DNAH2: variants seen among roughly 807,000 people sequenced by gnomAD.
DNAH2 encodes axonemal beta dynein heavy chain 2.
In DNAH2, 323 loss-of-function variants were observed where a neutral mutation model predicts 523.5. The ratio of observed to expected loss-of-function variants is 0.62; its 90% CI spans 0.56 to 0.68. The LOEUF is 0.68. Among genes scored for constraint, DNAH2 ranks in the 30% least tolerant of loss-of-function variants. The probability of loss-of-function intolerance (pLI) is 0.00; values close to 1 mark genes in which losing one functional copy is unlikely to be tolerated. For missense variants in DNAH2, 4,907 were observed against 5,701.5 expected, an observed-to-expected ratio of 0.86 and a Z score of 4.49; for synonymous variants, 2,093 against 2,177.4, an observed-to-expected ratio of 0.96 and a Z score of 1.08.
chr17:7,816,700 G>A lies in DNAH2; in HGVS notation c.9859G>A (p.Ala3287Thr). The A allele has an allele frequency of 6.2e-7, 1 of 1,614,146 alleles. No homozygotes were observed. The highest frequency in any genetic ancestry group is 1.1e-5 in the South Asian group (1 of 91,086). ...AGCTGGGATGCTCGTGTCGGGGTTG[G>A]CTGGCGAGAAGGCCAGATGGGAGGA... is the stretch of plus-strand genomic sequence containing the variant. Reference protein sequence around the residue: ...ERAGMLVSGLAGEKARWEETV... With the variant: ...ERAGMLVSGLTGEKARWEETV... Residue 3287 changes from alanine (A) to threonine (T), a missense_variant, in exon 64 of 86, where the codon GCT becomes ACT. Transcript: ENST00000572933.
At chr17:7,826,437 TA>T (rs1162893690) in intron 77 of DNAH2, among the ~76,000 whole-genome samples, 1 of 151,958 alleles carries the variant, frequency 6.6e-6, no homozygotes, top group Non-Finnish European at 1.5e-5. Context: ...TCCAGTCTTT[TA>T]AAAAAGCTAG....
At chr17:7,783,713 G>A (rs1225636233) in intron 39 of DNAH2, among the ~76,000 whole-genome samples, 1 of 151,340 alleles carries the variant, frequency 6.6e-6, no homozygotes, top group African/African-American at 2.4e-5. Context: ...CAGGAGGATT[G>A]TTTGAGCCCA....
At chr17:7,763,351 G>T (rs1199115759) in intron 18 of DNAH2, among the ~76,000 whole-genome samples, 1 of 152,114 alleles carries the variant, frequency 6.6e-6, no homozygotes, top group Non-Finnish European at 1.5e-5. Flanking sequence ...GTAGAGATGG[G>T]GTTTCACCGT....
At chr17:7,785,577 T>G (rs999135809) in intron 39 of DNAH2, among the ~76,000 whole-genome samples, 2 of 152,208 alleles carry the variant, frequency 1.3e-5, no homozygotes, top group Admixed American at 1.3e-4. Context: ...TTGAAAATAT[T>G]TGGCTACATG....
chr17:7,812,951 C>CAAA (rs61164962), intron 63 of DNAH2, among the ~76,000 whole-genome samples: 1 of 122,336 alleles, frequency 8.2e-6, no homozygotes, highest in Non-Finnish European at 1.7e-5. Flanking sequence ...GACTCTGTGT[C>CAAA]AAAAAAAAAA....
intron 10 of DNAH2, 24 bp from the exon 11 acceptor site, chr17:7,740,786 C>T: frequency 6.3e-7 from 1 of 1,591,932 alleles, no homozygotes; most frequent in Non-Finnish European, 8.6e-7. Flanking sequence ...GGCACGTCGC[C>T]AGCCTCTTCC....
chr17:7,817,958 A>G lies in DNAH2; in HGVS notation c.10249A>G (p.Ile3417Val). 6.2e-7 allele frequency: 1 copy of G among 1,613,902 alleles called. No individual in the cohort carries two copies. Among genetic ancestry groups the G allele is most frequent in the Non-Finnish European group, 8.5e-7 (1 of 1,179,966 alleles). ...CCTTGCTCTCTAGGGCCTGAAGATC[A>G]TCGACCTGCAGATGAGCGATTACCT... is the stretch of plus-strand genomic sequence containing the variant. Reference protein sequence around the residue: ...NMEGGQGLKIIDLQMSDYLRI... With the variant: ...NMEGGQGLKIVDLQMSDYLRI... Residue 3417 changes from isoleucine to valine, a missense_variant, in exon 68 of 86, where the codon ATC becomes GTC. Physicochemically the swap from Ile to Val is conservative, Grantham distance 29. Around this residue, in one of 3 missense-constraint regions of DNAH2, gnomAD observed 1,851 missense variants for 2,139.4 expected, o/e 0.87. Coordinates refer to ENST00000572933, the MANE Select transcript of DNAH2 (RefSeq NM_020877.5).
chr17:7,752,448 C>T (rs913009428), intron 12 of DNAH2, among the ~76,000 whole-genome samples: 1 of 152,150 alleles, frequency 6.6e-6, no homozygotes, highest in Non-Finnish European at 1.5e-5. Flanking sequence ...CGGTGGCTCA[C>T]GCCTGTAATC....
At chr17:7,741,768 G>A (rs1050119317) in intron 11 of DNAH2, among the ~76,000 whole-genome samples, 4 of 151,750 alleles carry the variant, frequency 2.6e-5, no homozygotes, top group African/African-American at 4.8e-5. Context: ...AGGTCCAAGC[G>A]ATTCTCCTGC....
chr17:7,739,985 T>A, intron 9 of DNAH2, 47 bp downstream of exon 9: 1 of 1,562,698 alleles, frequency 6.4e-7, no homozygotes. Context: ...GGAAGGCAGA[T>A]CAGGCAGCCA....
chr17:7,807,676 T>C lies in DNAH2; in HGVS notation c.9729+90T>C. 8.7e-7 allele frequency: 1 copy of C among 1,147,002 alleles called. No individual in the cohort carries two copies. The highest frequency in any genetic ancestry group is 2.4e-5 in the East Asian group (1 of 41,980). 71.1% of individuals were successfully genotyped at this position (1,147,002 alleles called of 1,614,324 possible). On this transcript the variant is annotated intron_variant, in intron 63 of 85. Coordinates refer to ENST00000572933, the MANE Select transcript of DNAH2 (RefSeq NM_020877.5). This position sits in a 1 kb window ranked among gnomAD's most constrained non-coding sequence, Gnocchi z 5.6. ...GCATTTGTTTTCCCCCATCTAATTC[T>C]AGCCCCCTTCCCCATGTCCTGTGCC...
rs933376450 is a variant in DNAH2 at position 7,777,810 on chromosome 17, T to C, written c.5247+176T>C. On this transcript the variant is annotated intron_variant, in intron 33 of 85. Transcript: ENST00000572933. ...CACAATCAGGAGTGGCAAGTAGTTG[T>C]CCCAGTCAGGGCTCACTATGAATGT... Among the ~76,000 whole-genome samples the C allele has an allele frequency of 3.9e-5, 6 of 152,208 alleles. No individual in the cohort carries two copies. The South Asian group carries it at 1.2e-3, about 31-fold the overall frequency.
At position 7,776,781 on chromosome 17, in the gene DNAH2, G is replaced by A. The variant is rs137887045; in HGVS notation, c.4950G>A (p.Val1650=). Residue 1650 remains valine (V), a splice_region_variant and synonymous_variant, in exon 32 of 86, where the codon GTG becomes GTA. Coordinates refer to ENST00000572933, the MANE Select transcript of DNAH2 (RefSeq NM_020877.5). ...ACGTGGCTTCTGCACATCCCCAGGT[G>A]GTGATCACTGCCAGTCAGATCCAGT... ...DKWVKEWAGQ[V]VITASQIQWT... is the part of the protein sequence containing the mutation. 7.2e-4 allele frequency: 1,154 copies of A among 1,611,794 alleles called. 13 individuals are homozygous for A. The highest frequency in any genetic ancestry group is 1.3e-3 in the Middle Eastern group (8 of 6,050).
chr17:7,800,897 G>A (rs894067001), intron 56 of DNAH2, among the ~76,000 whole-genome samples: 7 of 148,976 alleles, frequency 4.7e-5, no homozygotes, highest in South Asian at 4.3e-4. Context: ...TTTTGAGACC[G>A]AGTCTTGCTC....
In DNAH2 at chr17:7,743,118, G is replaced by T. The variant is rs767602836; in HGVS notation, c.1880G>T (p.Gly627Val). The change falls in exon 12 of 86, where the codon GGC (glycine) becomes GTC (valine). Residue 627 changes from glycine (G) to valine (V), a missense_variant. Gly to Val is a moderately radical substitution (Grantham distance 109, BLOSUM62 -3). This residue lies in a region of DNAH2 where 2,806 missense variants were observed against 3,190.8 expected (regional missense o/e 0.88). Coordinates refer to ENST00000572933, the MANE Select transcript of DNAH2 (RefSeq NM_020877.5). ...PLLRISQEKA[G>V]MLDVNFDKSL... ...CTGCGAATCAGCCAGGAGAAGGCGG[G>T]CATGCTGGATGTCAACTTTGACAAG... is the stretch of plus-strand genomic sequence containing the variant. 1.1e-5 allele frequency: 17 copies of T among 1,581,552 alleles called. No individual in the cohort carries two copies. The highest frequency in any genetic ancestry group is 1.5e-5 in the Non-Finnish European group (17 of 1,168,042).
chr17:7,819,951 A>G (rs2077807700), intron 72 of DNAH2, among the ~76,000 whole-genome samples: 1 of 152,170 alleles, frequency 6.6e-6, no homozygotes, highest in Non-Finnish European at 1.5e-5. Flanking sequence ...CCCAAGCCAG[A>G]AATTGGGAGT....
Position 7,764,221 on chromosome 17 carries a change from T to C in DNAH2, c.3284T>C (p.Ile1095Thr). The stretch of plus-strand genomic sequence containing the variant: ...AACGTGGAGACTCAGATCCCTCCCA[T>C]ACACGAGCAATTTGCCATTCTTGAA... ...LANVETQIPP[I>T]HEQFAILEKY... The change falls in exon 20 of 86, where the codon ATA (isoleucine) becomes ACA (threonine). Residue 1095 changes from isoleucine (I) to threonine (T), a missense_variant. Transcript: ENST00000572933. 1.9e-6 allele frequency: 3 copies of C among 1,613,926 alleles called. No homozygotes were observed. Among genetic ancestry groups the C allele is most frequent in the Non-Finnish European group, 2.5e-6 (3 of 1,179,920 alleles).
In DNAH2 at chr17:7,732,328, G is replaced by A. The variant is rs146230656; in HGVS notation, c.400-759G>A. Among the ~76,000 whole-genome samples, 48 of 151,200 alleles carry A rather than the reference G, an allele frequency of 3.2e-4. 1 individual carries two copies. The East Asian group carries it at 9.4e-3, about 29-fold the overall frequency. ...TACGGGCCTGTAATCCCAGATACTC[G>A]GGAGGCTGAGGCAGAAGAATCGCTT... On this transcript the variant is annotated intron_variant, in intron 4 of 85. Transcript: ENST00000572933.
intron 12 of DNAH2, among the ~76,000 whole-genome samples, chr17:7,752,222 T>G (rs1434753957): frequency 6.8e-6 from 1 of 146,834 alleles, no homozygotes; most frequent in Non-Finnish European, 1.5e-5. Context: ...TGGTATTTTA[T>G]TTTTGTTGTT....
Sources: gnomAD v4.1 joint callset for allele counts (sites outside exome capture counted in the v4.1 genomes callset) on GRCh38, gnomAD v4.1.1 for gene constraint, gnomAD v4.1.1 regional missense constraint, Gnocchi (gnomAD v3.1) non-coding constraint, MANE v1.5 for transcripts, NCBI Gene and HGNC (gene_info 2026-07-23, HGNC 2026-07-21) for gene names.